Variants in ADAMTS3 observed in about 807,000 individuals in gnomAD.
The protein encoded by ADAMTS3 is ADAM metallopeptidase with thrombospondin type 1 motif 3, also known as A disintegrin and metalloproteinase with thrombospondin motifs 3.
In ADAMTS3, 73 loss-of-function variants were observed where a neutral mutation model predicts 129.0. That is an observed-to-expected ratio of 0.57 (90% CI 0.47 to 0.69). The LOEUF (loss-of-function observed/expected upper bound fraction) is 0.69. Among genes scored for constraint, ADAMTS3 ranks in the 30% least tolerant of loss-of-function variants. The probability of loss-of-function intolerance (pLI) is 0.00; values close to 1 mark genes in which losing one functional copy is unlikely to be tolerated. For missense variants in ADAMTS3, 1,457 were observed against 1,514.5 expected (o/e 0.96, Z 0.63); for synonymous variants, 477 against 510.8 (o/e 0.93, Z 0.89).
intron 2 of ADAMTS3, among the ~76,000 whole-genome samples, chr4:72,564,838 T>C (rs1481462711): frequency 3.3e-5 from 5 of 152,200 alleles, no homozygotes; most frequent in Non-Finnish European, 7.3e-5. Context: ...TTTTTGAAAA[T>C]TGACCTTCTA....
At chr4:72,450,656 C>T (rs954088089) in intron 3 of ADAMTS3, among the ~76,000 whole-genome samples, 1 of 151,628 alleles carries the variant, frequency 6.6e-6, no homozygotes, top group African/African-American at 2.4e-5. Context: ...CCATGGCAAA[C>T]TAAAATCTGT....
chr4:72,337,106 G>A (rs1720011548), intron 5 of ADAMTS3, among the ~76,000 whole-genome samples: 1 of 152,074 alleles, frequency 6.6e-6, no homozygotes. Flanking sequence ...GGGAGGGAAG[G>A]GGAGGAGTGT....
rs111612840 is a variant in ADAMTS3, at chr4:72,302,175, T to C, written c.2424+1742A>G. Among the ~76,000 whole-genome samples, 214 of 149,832 alleles carry C rather than the reference T, an allele frequency of 1.4e-3. 1 individual carries two copies. Among genetic ancestry groups the C allele is most frequent in the African/African-American group, 5.1e-3 (206 of 40,586 alleles). ...ACAATTTATCTTCCAAAATGTCGAG[T>C]GTACAAGAAAAAAAGAAGCAGGAAA... On this transcript the variant is annotated intron_variant, in intron 17 of 21. Transcript: ENST00000286657.
chr4:72,552,610 T>C (rs1008504906), intron 2 of ADAMTS3, among the ~76,000 whole-genome samples: 1 of 152,172 alleles, frequency 6.6e-6, no homozygotes, highest in Non-Finnish European at 1.5e-5. Context: ...TCAAATCTTA[T>C]CACTCTTCTC....
intron 8 of ADAMTS3, 35 bp downstream of exon 8, chr4:72,319,822 CT>C: frequency 4.7e-6 from 7 of 1,503,616 alleles, no homozygotes; most frequent in Non-Finnish European, 6.5e-6. Flanking sequence ...AAGAAAAGAT[CT>C]TTTTTTGGCT....
At chr4:72,557,955 T>C (rs554953494) in intron 2 of ADAMTS3, among the ~76,000 whole-genome samples, 4 of 151,872 alleles carry the variant, frequency 2.6e-5, no homozygotes, top group Non-Finnish European at 5.9e-5. Flanking sequence ...TTAAGAATCT[T>C]ACAGACTCGA....
At chr4:72,395,682 A>G (rs2109899132) in intron 4 of ADAMTS3, among the ~76,000 whole-genome samples, 1 of 152,290 alleles carries the variant, frequency 6.6e-6, no homozygotes, top group South Asian at 2.1e-4. Flanking sequence ...ATACAACAAC[A>G]TTTACTGGAG....
chr4:72,357,977 A>T (rs975372031), intron 4 of ADAMTS3, among the ~76,000 whole-genome samples: 5 of 152,008 alleles, frequency 3.3e-5, no homozygotes, highest in Non-Finnish European at 7.4e-5. Flanking sequence ...GAAATGATTT[A>T]TGCAAGGATG....
chr4:72,458,468 T>C (rs1307308402), intron 3 of ADAMTS3, among the ~76,000 whole-genome samples: 1 of 151,524 alleles, frequency 6.6e-6, no homozygotes, highest in Admixed American at 6.6e-5. Context: ...ATGGTAAAAA[T>C]AGGCATCTAA....
chr4:72,496,360 T>A (rs1719873186), intron 3 of ADAMTS3, among the ~76,000 whole-genome samples: 1 of 152,198 alleles, frequency 6.6e-6, no homozygotes, highest in Non-Finnish European at 1.5e-5. Context: ...GTTTTACCAG[T>A]GTAAAATAAC....
At chr4:72,540,678 C>T (rs567529181) in intron 3 of ADAMTS3, among the ~76,000 whole-genome samples, 2 of 152,308 alleles carry the variant, frequency 1.3e-5, no homozygotes, top group African/African-American at 4.8e-5. Context: ...GAGACTCATG[C>T]CCTGCATCCC....
intron 4 of ADAMTS3, among the ~76,000 whole-genome samples, chr4:72,366,624 T>C (rs1457757315): frequency 6.6e-6 from 1 of 152,176 alleles, no homozygotes; most frequent in Middle Eastern, 3.2e-3. Flanking sequence ...TTCTACTGCA[T>C]AAAGCAAGGA....
intron 3 of ADAMTS3, among the ~76,000 whole-genome samples, chr4:72,544,945 G>A (rs1182806983): frequency 2.0e-5 from 3 of 151,816 alleles, no homozygotes; most frequent in Non-Finnish European, 4.4e-5. Flanking sequence ...AGATACTTGG[G>A]AAAAACTATA....
At chr4:72,556,481 A>G (rs1560566581) in intron 2 of ADAMTS3, among the ~76,000 whole-genome samples, 1 of 151,782 alleles carries the variant, frequency 6.6e-6, no homozygotes, top group East Asian at 1.9e-4. Flanking sequence ...GAGCGACTTC[A>G]GTATAAATCT....
chr4:72,387,634 G>C (rs1235449220), intron 4 of ADAMTS3, among the ~76,000 whole-genome samples: 1 of 152,060 alleles, frequency 6.6e-6, no homozygotes, highest in African/African-American at 2.4e-5. Flanking sequence ...TCTAGATATG[G>C]GGCACAAGGC....
At chr4:72,428,776 C>T (rs1268129430) in intron 3 of ADAMTS3, among the ~76,000 whole-genome samples, 1 of 151,982 alleles carries the variant, frequency 6.6e-6, no homozygotes, top group Non-Finnish European at 1.5e-5. Flanking sequence ...ACTAGATAAT[C>T]TCTAAGATGT....
At chr4:72,524,932 G>A (rs758164974) in intron 3 of ADAMTS3, among the ~76,000 whole-genome samples, 29 of 152,166 alleles carry the variant, frequency 1.9e-4, no homozygotes, top group Non-Finnish European at 3.4e-4. Context: ...CAGGTGCTAC[G>A]TAGGAAAAAC....
chr4:72,417,456 TA>T (rs1019175090), intron 3 of ADAMTS3, among the ~76,000 whole-genome samples: 2 of 152,032 alleles, frequency 1.3e-5, no homozygotes, highest in African/African-American at 4.8e-5. Context: ...AAGCCACAGG[TA>T]AAACAAAATT....
chr4:72,528,767 A>G (rs566694136), intron 3 of ADAMTS3, among the ~76,000 whole-genome samples: 6 of 152,194 alleles, frequency 3.9e-5, no homozygotes, highest in African/African-American at 1.4e-4. Flanking sequence ...AAAGCCCTCA[A>G]TTCACCTCTC....
Sources: gnomAD v4.1 joint callset for allele counts (sites outside exome capture counted in the v4.1 genomes callset) on GRCh38, gnomAD v4.1.1 for gene constraint, MANE v1.5 for transcripts, NCBI Gene and HGNC (gene_info 2026-07-23, HGNC 2026-07-21) for gene names.